TTN: variants seen among roughly 807,000 people sequenced by gnomAD.
TTN encodes titin.
A neutral mutation model predicts 3,223.0 loss-of-function variants in TTN; 1,525 were observed. That is an observed-to-expected ratio of 0.47 (90% CI 0.45 to 0.49). The LOEUF is 0.49. TTN is among the 20% of genes least tolerant of loss of function. The probability of loss-of-function intolerance (pLI) is 0.00; values close to 1 mark genes in which losing one functional copy is unlikely to be tolerated. For missense variants in TTN, 40,786 were observed against 43,424.0 expected (o/e 0.94, Z 5.40); for synonymous variants, 14,094 against 15,161.0 (o/e 0.93, Z 5.17).
chr2:178,713,068 C>G lies in TTN; in HGVS notation c.27049+17G>C, dbSNP rs2076896934. On this transcript the variant is annotated intron_variant, in intron 93 of 362. Coordinates refer to ENST00000589042, the MANE Select transcript of TTN (RefSeq NM_001267550.2). The stretch of plus-strand genomic sequence containing the variant: ...AAACTATGAAATGCAATTCATTTTA[C>G]TGTTTTGTAAACTGACCTCTCACAG... 3.1e-6 allele frequency: 5 copies of G among 1,608,658 alleles called. No individual in the cohort carries two copies. The highest frequency in any genetic ancestry group is 1.1e-5 in the South Asian group (1 of 90,638).
chr2:178,643,330 T>C (rs774742028), intron 218 of TTN, among the ~76,000 whole-genome samples: 1 of 151,954 alleles, frequency 6.6e-6, no homozygotes, highest in African/African-American at 2.4e-5. Flanking sequence ...AAACCTACAA[T>C]AGGCAAATAT....
intron 24 of TTN, 91 bp downstream of exon 24, chr2:178,778,783 G>A (rs968971447): frequency 5.7e-6 from 9 of 1,570,582 alleles, no homozygotes; most frequent in African/African-American, 4.1e-5. Flanking sequence ...TTTAGCCCTC[G>A]ATTTTCTTCT....
Position 178,612,409 on chromosome 2 carries a change from T to C in TTN, c.50116A>G (p.Lys16706Glu). 1.2e-6 allele frequency: 2 copies of C among 1,612,562 alleles called. No homozygotes were observed. Among genetic ancestry groups the C allele is most frequent in the South Asian group, 2.2e-5 (2 of 91,040 alleles). ...GGGGTGACTGTGCACTTGGTGTCCTTGACAGTGGTATCCACTGTTTGCCAG... is the reference window on the plus strand; with the variant it reads ...GGGGTGACTGTGCACTTGGTGTCCTCGACAGTGGTATCCACTGTTTGCCAG... ...KGWQTVDTTV[K>E]DTKCTVTPLT... Residue 16706 changes from lysine to glutamate, a missense_variant, in exon 266 of 363, where the codon AAG (lysine) becomes GAG (glutamate). Coordinates refer to ENST00000589042, the MANE Select transcript of TTN (RefSeq NM_001267550.2).
At position 178,677,822 on chromosome 2, in the gene TTN, G is replaced by C; in HGVS notation, c.34090C>G (p.Leu11364Val). The change falls in exon 146 of 363, where the codon CTA becomes GTA. Residue 11364 changes from leucine to valine, a missense_variant. Physicochemically the swap from Leu to Val is conservative, Grantham distance 32. Transcript: ENST00000589042. ...GGTAGAACTTCCTCTTCCTCAGGTA[G>C]AACTTCCTCTTCAGGAACAATTTCT... The part of the protein sequence containing the change: ...EEEIVPEEEV[L>V]PEEEEVLPEE... The C allele has an allele frequency of 6.2e-7, 1 of 1,612,616 alleles. No individual in the cohort carries two copies. Among genetic ancestry groups the C allele is most frequent in the Non-Finnish European group, 8.5e-7 (1 of 1,179,140 alleles).
chr2:178,739,485 C>T lies in TTN; in HGVS notation c.13748G>A (p.Ser4583Asn). 6.2e-7 allele frequency: 1 copy of T among 1,613,834 alleles called. No homozygotes were observed. Among genetic ancestry groups the T allele is most frequent in the Non-Finnish European group, 8.5e-7 (1 of 1,179,846 alleles). ...TACTGTAGCAACCTCCTCAGTACCA[C>T]TTTCAGAGGAAGACTCCTCTTTTTC... Reference protein sequence around the residue: ...SEEKEESSSESGTEEVATVKI... With the variant: ...SEEKEESSSENGTEEVATVKI... Residue 4583 changes from serine (S) to asparagine (N), a missense_variant, in exon 48 of 363, where the codon AGT becomes AAT. Transcript: ENST00000589042.
At position 178,740,092 on chromosome 2, in the gene TTN, C is replaced by G. The variant is rs770942129; in HGVS notation, c.13141G>C (p.Glu4381Gln). Reference sequence around the variant, plus strand: ...TCTGGAATACCAGAAAGCAAGCTTTCCTTAGAAAGAAGGTCCCTTCCCTGT... The same window carrying G: ...TCTGGAATACCAGAAAGCAAGCTTTGCTTAGAAAGAAGGTCCCTTCCCTGT... Reference protein sequence around the residue: ...EVQGRDLLSKESLLSGIPEEQ... With the variant: ...EVQGRDLLSKQSLLSGIPEEQ... The change falls in exon 48 of 363, where the codon GAA becomes CAA. Residue 4381 changes from glutamate (E) to glutamine (Q), a missense_variant. Physicochemically the swap from Glu to Gln is conservative, Grantham distance 29 (BLOSUM62 2). Coordinates refer to ENST00000589042, the MANE Select transcript of TTN (RefSeq NM_001267550.2). 6.2e-7 allele frequency: 1 copy of G among 1,613,766 alleles called. No homozygotes were observed. Among genetic ancestry groups the G allele is most frequent in the East Asian group, 2.2e-5 (1 of 44,846 alleles).
At position 178,608,288 on chromosome 2, in the gene TTN, T is replaced by C. The variant is rs1401966542; in HGVS notation, c.52595A>G (p.Asp17532Gly). Residue 17532 changes from aspartate (D) to glycine (G), a missense_variant, in exon 275 of 363, where the codon GAT (aspartate) becomes GGT (glycine). By Grantham distance (94) the Asp-to-Gly change is moderately conservative. Transcript: ENST00000589042. ...ATAGGTGAGTCCTTCTAATAAGCCA[T>C]CTACATTGGCTTTCAAGGCATTCAG... ...SLLNALKANV[D>G]GLLEGLTYVF... 3 of 1,612,092 alleles carry C rather than the reference T, an allele frequency of 1.9e-6. No homozygotes were observed. The highest frequency in any genetic ancestry group is 2.7e-5 in the African/African-American group (2 of 74,824).
rs554308191 is a variant in TTN at position 178,589,949 on chromosome 2, G to A, written c.61776C>T (p.Asn20592=). 17 of 1,613,138 alleles carry A rather than the reference G, an allele frequency of 1.1e-5. No homozygotes were observed. The highest frequency in any genetic ancestry group is 2.2e-5 in the East Asian group (1 of 44,654). Reference sequence around the variant, plus strand: ...TTTCTGAGCCACCATTATCTAGTGGGTTTTCCCAAGAAATTGTACAGTTCT... The same window carrying A: ...TTTCTGAGCCACCATTATCTAGTGGATTTTCCCAAGAAATTGTACAGTTCT... ...TKENCTISWE[N]PLDNGGSEIT... The change falls in exon 304 of 363, where the codon AAC becomes AAT. Residue 20592 remains asparagine (N), a synonymous_variant. Coordinates refer to ENST00000589042, the MANE Select transcript of TTN (RefSeq NM_001267550.2).
At position 178,562,802 on chromosome 2, in the gene TTN, T is replaced by G; in HGVS notation, c.83330A>C (p.Glu27777Ala). The G allele has an allele frequency of 6.2e-7, 1 of 1,613,210 alleles. No homozygotes were observed. Among genetic ancestry groups the G allele is most frequent in the Non-Finnish European group, 8.5e-7 (1 of 1,179,590 alleles). ...PSAPVNLTIR[E>A]VKKDSVTLSW... ...CAACGTCACTGAGTCTTTCTTCACT[T>G]CTCTTATGGTCAAATTCACAGGGGC... The change falls in exon 326 of 363, where the codon GAA (glutamate) becomes GCA (alanine). Residue 27777 changes from glutamate to alanine, a missense_variant. Glu to Ala is a moderately radical substitution (Grantham distance 107, BLOSUM62 -1). Transcript: ENST00000589042.
At position 178,710,912 on chromosome 2, in the gene TTN, G is replaced by A. The variant is rs778573156; in HGVS notation, c.28185C>T (p.Asn9395=). 5 of 1,612,800 alleles carry A rather than the reference G, an allele frequency of 3.1e-6. No individual in the cohort carries two copies. The highest frequency in any genetic ancestry group is 4.2e-6 in the Non-Finnish European group (5 of 1,179,058). The change falls in exon 98 of 363, where the codon AAC becomes AAT. Residue 9395 remains asparagine, a synonymous_variant. Coordinates refer to ENST00000589042, the MANE Select transcript of TTN (RefSeq NM_001267550.2). ...CAAGACGGATGTCAAAGAAGGGTGG[G>A]TTCTTCCCCTCTAATAGTAGAGCAG... ...SARLILTEGK[N]PPFFDIRLAP...
At position 178,715,265 on chromosome 2, in the gene TTN, C is replaced by G. The variant is rs2154297723; in HGVS notation, c.25922-1G>C. 1.3e-6 allele frequency: 2 copies of G among 1,590,714 alleles called. No individual in the cohort carries two copies. Among genetic ancestry groups the G allele is most frequent in the Non-Finnish European group, 1.7e-6 (2 of 1,170,924 alleles). On this transcript the variant is annotated splice_acceptor_variant, in intron 89 of 362. Transcript: ENST00000589042. LOFTEE classifies it high-confidence loss of function. ...GGCTTTTTGCGGAAAATGGGTGGTT[C>G]TAAAATTGGAAAAAAGGAAAATACG...
intron 278 of TTN, 34 bp from the exon 279 acceptor site, chr2:178,605,747 G>C: frequency 2.1e-6 from 3 of 1,422,308 alleles, no homozygotes; most frequent in Non-Finnish European, 2.8e-6. Context: ...TGATTAGCAT[G>C]AGATAAATAT....
rs371954292 is a variant in TTN, at chr2:178,582,492, G to A, written c.65964C>T (p.Ile21988=). The part of the protein sequence containing the change: ...EPPLEDGGSE[I]TNYIVDKRET... The stretch of plus-strand genomic sequence containing the variant: ...CACGTTTGTCAACAATATAGTTGGT[G>A]ATTTCTGAGCCTCCATCTTCAAGAG... The change falls in exon 314 of 363, where the codon ATC becomes ATT. Residue 21988 remains isoleucine, a synonymous_variant. Transcript: ENST00000589042. 14 of 1,612,790 alleles carry A rather than the reference G, an allele frequency of 8.7e-6. No individual in the cohort carries two copies. In the African/African-American group the frequency reaches 1.9e-4, roughly 22 times the overall value.
chr2:178,602,609 A>T lies in TTN; in HGVS notation c.54812-19T>A, dbSNP rs2154193705. 6.8e-7 allele frequency: 1 copy of T among 1,464,712 alleles called. No individual in the cohort carries two copies. The highest frequency in any genetic ancestry group is 9.0e-7 in the Non-Finnish European group (1 of 1,110,398). The allele number at this position is 1,464,712 out of a possible 1,614,324, so 90.7% of individuals were successfully genotyped here. A position where few individuals can be genotyped will look rare whatever the true frequency, so the allele number is the denominator to read the frequency against. ...GGTGGAACTAATAACAAAAGAAAAA[A>T]AAAAGCTTCATCAGATTTTGAAGCT... On this transcript the variant is annotated intron_variant, in intron 282 of 362. Coordinates refer to ENST00000589042, the MANE Select transcript of TTN (RefSeq NM_001267550.2).
intron 147 of TTN, 45 bp downstream of exon 147, chr2:178,677,156 C>T (rs914675805): frequency 3.2e-4 from 377 of 1,180,782 alleles, no homozygotes; most frequent in Non-Finnish European, 3.9e-4. Context: ...ATTTATGTGA[C>T]CAAGCTATGG....
In TTN at chr2:178,619,863, G is replaced by A; in HGVS notation, c.46454C>T (p.Pro15485Leu). 1 of 1,611,006 alleles carries A rather than the reference G, an allele frequency of 6.2e-7. No individual in the cohort carries two copies. Among genetic ancestry groups the A allele is most frequent in the Non-Finnish European group, 8.5e-7 (1 of 1,178,688 alleles). ...VEEIPVEIIRPPQDILEAPGA... is the reference protein window; with the variant it reads ...VEEIPVEIIRLPQDILEAPGA... ...AGGGGCTTCAAGAATATCTTGTGGA[G>A]GCCTGATGATCTCAACAGGAATTTC... is the stretch of plus-strand genomic sequence containing the variant. Residue 15485 changes from proline (P) to leucine (L), a missense_variant, in exon 250 of 363, where the codon CCT becomes CTT. By Grantham distance (98) the Pro-to-Leu change is moderately conservative (BLOSUM62 -3). Coordinates refer to ENST00000589042, the MANE Select transcript of TTN (RefSeq NM_001267550.2).
At chr2:178,604,604 G>A in intron 281 of TTN, 104 bp downstream of exon 281, 1 of 1,238,110 alleles carries the variant, frequency 8.1e-7, no homozygotes. Flanking sequence ...CTTATCGTGT[G>A]TGGTTTTGAG....
In TTN at chr2:178,764,776, G is replaced by T. The variant is rs2090057344; in HGVS notation, c.9739C>A (p.Pro3247Thr). 6.2e-7 allele frequency: 1 copy of T among 1,613,762 alleles called. No homozygotes were observed. Among genetic ancestry groups the T allele is most frequent in the Middle Eastern group, 1.7e-4 (1 of 5,860 alleles). The change falls in exon 42 of 363, where the codon CCT becomes ACT. Residue 3247 changes from proline (P) to threonine (T), a missense_variant. By Grantham distance (38) the Pro-to-Thr change is conservative. Transcript: ENST00000589042. ...EPPQVLQELQ[P>T]VTVQSGKPAR... ...GGCTTGCCAGACTGCACAGTGACAG[G>T]CTGGAGCTCCTGCAGAACTTGGGGC...
intron 137 of TTN, 47 bp from the exon 138 acceptor site, chr2:178,681,218 A>G (rs1300679409): frequency 6.6e-7 from 1 of 1,516,150 alleles, no homozygotes; most frequent in Admixed American, 2.0e-5. Context: ...AACTCCTTGA[A>G]TACTATGTAA....
Sources: gnomAD v4.1 joint callset for allele counts (sites outside exome capture counted in the v4.1 genomes callset) on GRCh38, gnomAD v4.1.1 for gene constraint, MANE v1.5 for transcripts, NCBI Gene and HGNC (gene_info 2026-07-23, HGNC 2026-07-21) for gene names.